Variants in PLCG2 observed in about 807,000 individuals in gnomAD.
PLCG2 encodes 1-phosphatidylinositol 4,5-bisphosphate phosphodiesterase gamma-2.
A neutral mutation model predicts 175.6 loss-of-function variants in PLCG2; 69 were observed. The observed-to-expected ratio is 0.39, with a 90% confidence interval of 0.32 to 0.48. The LOEUF (loss-of-function observed/expected upper bound fraction) is 0.48. Ranked by LOEUF, PLCG2 falls within the 20% of genes least tolerant of loss-of-function variation. The pLI, the probability that PLCG2 is intolerant of heterozygous loss-of-function variation, is 0.91. For missense variants in PLCG2, 1,798 were observed against 1,650.9 expected (o/e 1.09, Z -1.54); for synonymous variants, 827 against 624.0 (o/e 1.33, Z -4.85).
At chr16:81,876,987 A>C (rs1487565775) in intron 7 of PLCG2, among the ~76,000 whole-genome samples, 1 of 152,144 alleles carries the variant, frequency 6.6e-6, no homozygotes, top group African/African-American at 2.4e-5. Context: ...ACTTGTTAGG[A>C]GAAAAGTCCT....
chr16:81,910,667 C>T lies in PLCG2; in HGVS notation c.1881C>T (p.Phe627=), dbSNP rs754739394. ...YRETHLRCAE[F]ELRLTDPVPN... ...AGACGCACCTGCGCTGCGCCGAGTT[C>T]GAGCTGCGGCTCACGGACCCTGTGC... The change falls in exon 18 of 33, where the codon TTC becomes TTT. Residue 627 remains phenylalanine (F), a synonymous_variant. Transcript: ENST00000564138. 41 of 1,613,224 alleles carry T rather than the reference C, an allele frequency of 2.5e-5. No homozygotes were observed. The highest frequency in any genetic ancestry group is 9.3e-5 in the African/African-American group (7 of 74,952).
At chr16:81,900,023 A>G (rs1299192106) in intron 13 of PLCG2, among the ~76,000 whole-genome samples, 1 of 152,236 alleles carries the variant, frequency 6.6e-6, no homozygotes, top group Non-Finnish European at 1.5e-5. Flanking sequence ...AATCAACTAC[A>G]GATACACACA....
chr16:81,907,832 C>G (rs909635363), intron 16 of PLCG2, 58 bp downstream of exon 16: 28 of 1,294,532 alleles, frequency 2.2e-5, no homozygotes, highest in Admixed American at 5.1e-5. Context: ...GAGGACCAGC[C>G]AGTCCCCGGG....
intron 10 of PLCG2, among the ~76,000 whole-genome samples, chr16:81,889,875 C>G (rs917153051): frequency 6.6e-6 from 1 of 152,058 alleles, no homozygotes; most frequent in Non-Finnish European, 1.5e-5. Flanking sequence ...AGGCTGGTGT[C>G]GACTTCCTGA....
intron 14 of PLCG2, among the ~76,000 whole-genome samples, chr16:81,902,408 T>G (rs1909189067): frequency 6.6e-6 from 1 of 152,210 alleles, no homozygotes; most frequent in African/African-American, 2.4e-5. Context: ...CTCTTCCAAG[T>G]TGTAGGCTGC....
intron 32 of PLCG2, 136 bp from the exon 33 acceptor site, chr16:81,957,820 G>C (rs926101640): frequency 5.6e-6 from 4 of 710,528 alleles, no homozygotes; most frequent in Admixed American, 2.3e-5. Context: ...CTTGGAGTCT[G>C]CCTCTCTGAC....
intron 31 of PLCG2, among the ~76,000 whole-genome samples, chr16:81,953,815 A>G (rs913262517): frequency 4.5e-4 from 69 of 152,276 alleles, no homozygotes; most frequent in Non-Finnish European, 1.9e-4. Context: ...ACAGTATGTA[A>G]TATAGCTGCA....
chr16:81,791,328 C>G (rs904327235), intron 2 of PLCG2, among the ~76,000 whole-genome samples: 1 of 152,040 alleles, frequency 6.6e-6, no homozygotes, highest in Admixed American at 6.6e-5. Context: ...GAGAGATTTG[C>G]TAGATGGTTA....
chr16:81,863,984 C>T (rs948062323), intron 5 of PLCG2, among the ~76,000 whole-genome samples: 2 of 152,158 alleles, frequency 1.3e-5, no homozygotes, highest in East Asian at 1.9e-4. Flanking sequence ...GGCAGAGCCA[C>T]GGCAGTAGTG....
chr16:81,956,959 T>C (rs1287354562), intron 32 of PLCG2, 80 bp downstream of exon 32: 1 of 1,243,800 alleles, frequency 8.0e-7, no homozygotes, highest in Non-Finnish European at 1.1e-6. Context: ...GCCAGGCTTC[T>C]GGAAAGCCCT....
At chr16:81,831,103 C>T (rs917684009) in intron 2 of PLCG2, among the ~76,000 whole-genome samples, 6 of 152,180 alleles carry the variant, frequency 3.9e-5, no homozygotes, top group African/African-American at 1.4e-4. Flanking sequence ...CCTGATAACA[C>T]CTTCTATGAG....
intron 23 of PLCG2, among the ~76,000 whole-genome samples, chr16:81,928,213 AGGC>A (rs1910357329): frequency 6.6e-6 from 1 of 152,112 alleles, no homozygotes; most frequent in African/African-American, 2.4e-5. Flanking sequence ...GGGCTTTAGT[AGGC>A]AAAATAGTCT....
At chr16:81,860,972 G>A (rs754432562) in intron 5 of PLCG2, among the ~76,000 whole-genome samples, 20 of 151,926 alleles carry the variant, frequency 1.3e-4, no homozygotes, top group East Asian at 1.9e-4. Context: ...GCAAGACTCC[G>A]TCTCAAAAAA....
intron 2 of PLCG2, among the ~76,000 whole-genome samples, chr16:81,797,064 C>G (rs4441263): frequency 6.6e-6 from 1 of 152,170 alleles, no homozygotes; most frequent in Non-Finnish European, 1.5e-5. Context: ...TATTTTCTAG[C>G]TGCGTTGGTT....
intron 2 of PLCG2, among the ~76,000 whole-genome samples, chr16:81,814,660 A>C (rs1333144546): frequency 1.3e-5 from 2 of 151,814 alleles, no homozygotes; most frequent in South Asian, 2.1e-4. Flanking sequence ...ATGCCACTGC[A>C]CTCCAGCCTG....
intron 9 of PLCG2, 44 bp from the exon 10 acceptor site, chr16:81,889,128 C>G (rs747928853): frequency 2.6e-5 from 30 of 1,140,984 alleles, no homozygotes; most frequent in Non-Finnish European, 3.6e-5. Flanking sequence ...AGAATTTTAT[C>G]AGTTCTCACT....
chr16:81,897,316 G>A (rs1021925059), intron 13 of PLCG2, among the ~76,000 whole-genome samples: 17 of 152,148 alleles, frequency 1.1e-4, no homozygotes, highest in African/African-American at 3.4e-4. Flanking sequence ...AGTCCTTCTC[G>A]CTGAGTTTGA....
intron 19 of PLCG2, 110 bp downstream of exon 19, chr16:81,912,826 C>G (rs546317629): frequency 7.5e-5 from 98 of 1,312,904 alleles, no homozygotes; most frequent in Admixed American, 1.2e-4. Flanking sequence ...GCCCTGCCCC[C>G]CCAGCATCAG....
Position 81,853,006 on chromosome 16 carries a change from C to A in PLCG2, c.194-1438C>A, listed in dbSNP as rs555516982. ...ACACAGAGGCTGGCTTCCCCCAGAG[C>A]ACAAAATGGAAGGTACCAGGCCTTC... is the stretch of plus-strand genomic sequence containing the variant. On this transcript the variant is annotated intron_variant, in intron 2 of 32. Transcript: ENST00000564138. 9.9e-4 allele frequency among the ~76,000 whole-genome samples: 151 copies of A among 152,270 alleles called. 2 individuals carry two copies. The highest frequency in any genetic ancestry group is 8.8e-4 in the Non-Finnish European group (60 of 68,012).
Sources: gnomAD v4.1 joint callset for allele counts (sites outside exome capture counted in the v4.1 genomes callset) on GRCh38, gnomAD v4.1.1 for gene constraint, MANE v1.5 for transcripts, NCBI Gene and HGNC (gene_info 2026-07-23, HGNC 2026-07-21) for gene names.